Variants in RPTOR observed in about 807,000 individuals in gnomAD.
RPTOR encodes the protein regulatory-associated protein of mTOR.
In RPTOR, 21 loss-of-function variants were observed where a neutral mutation model predicts 169.9. The ratio of observed to expected loss-of-function variants is 0.12; its 90% CI spans 0.09 to 0.18. The LOEUF (loss-of-function observed/expected upper bound fraction) is 0.18. Ranked by LOEUF, RPTOR falls within the 10% of genes least tolerant of loss-of-function variation. The probability of loss-of-function intolerance (pLI) is 1.00; values close to 1 mark genes in which losing one functional copy is unlikely to be tolerated. For synonymous variants in RPTOR, 732 were observed against 753.2 expected (o/e 0.97, Z 0.46); for missense variants, 1,133 against 1,855.9 (o/e 0.61, Z 7.16).
At chr17:80,760,209 C>T (rs77323711) in intron 6 of RPTOR, among the ~76,000 whole-genome samples, 4,126 of 151,670 alleles carry the variant, frequency 0.027, 193 homozygotes, top group African/African-American at 0.095. Context: ...TCGGGCCACA[C>T]AGTCCCAAGT....
At chr17:80,632,092 A>T (rs1599618173) in intron 2 of RPTOR, among the ~76,000 whole-genome samples, 1 of 152,228 alleles carries the variant, frequency 6.6e-6, no homozygotes, top group East Asian at 1.9e-4. Flanking sequence ...CCCACACCCC[A>T]TGATGGAGCA....
At chr17:80,692,088 A>G (rs933798905) in intron 3 of RPTOR, among the ~76,000 whole-genome samples, 3 of 152,230 alleles carry the variant, frequency 2.0e-5, no homozygotes, top group Admixed American at 2.0e-4. Context: ...GGTTAGGCAC[A>G]GATGTCGAGT....
chr17:80,921,045 G>A (rs7503237), intron 21 of RPTOR, among the ~76,000 whole-genome samples: 87,723 of 152,136 alleles, frequency 0.58, 25,686 homozygotes, highest in African/African-American at 0.67. Context: ...TGCTATTTGC[G>A]TTTTGAAGGA....
chr17:80,853,672 T>A lies in RPTOR; in HGVS notation c.1315-1792T>A, dbSNP rs527927391. Among the ~76,000 whole-genome samples the A allele has an allele frequency of 3.9e-5, 6 of 152,186 alleles. No homozygotes were observed. In the East Asian group the frequency reaches 7.7e-4, roughly 20 times the overall value. ...CCATTAAGGAAAAAATCAAAAGAAG[T>A]AATGCCATTAAAAGTGTAAAGCTTG... On this transcript the variant is annotated intron_variant, in intron 11 of 33. Coordinates refer to ENST00000306801, the MANE Select transcript of RPTOR (RefSeq NM_020761.3).
intron 1 of RPTOR, 36 bp downstream of exon 1, chr17:80,545,827 A>C (rs1257199496): frequency 6.6e-7 from 1 of 1,518,268 alleles, no homozygotes; most frequent in African/African-American, 1.4e-5. Flanking sequence ...TGAACTTGGT[A>C]GTTTCCCCAA....
chr17:80,566,181 G>A (rs531891593), intron 1 of RPTOR, among the ~76,000 whole-genome samples: 18 of 152,282 alleles, frequency 1.2e-4, no homozygotes, highest in African/African-American at 3.1e-4. Flanking sequence ...CCTGCATAGC[G>A]CAGCTGTAGG....
intron 17 of RPTOR, among the ~76,000 whole-genome samples, chr17:80,890,276 A>AG (rs1207508985): frequency 1.3e-5 from 2 of 152,228 alleles, no homozygotes; most frequent in Admixed American, 1.3e-4. Context: ...TCAGAAGGAA[A>AG]GGGAAAAAAA....
At chr17:80,854,757 G>A (rs1373200347) in intron 11 of RPTOR, among the ~76,000 whole-genome samples, 1 of 152,206 alleles carries the variant, frequency 6.6e-6, no homozygotes, top group African/African-American at 2.4e-5. Flanking sequence ...AACCAGGCAT[G>A]GTGGTACATA....
intron 5 of RPTOR, among the ~76,000 whole-genome samples, chr17:80,743,793 A>G (rs2066515685): frequency 3.2e-5 from 4 of 123,804 alleles, no homozygotes; most frequent in Non-Finnish European, 5.4e-5. Flanking sequence ...AGCCCTGGCT[A>G]CTAGCACAGC....
intron 21 of RPTOR, among the ~76,000 whole-genome samples, chr17:80,911,485 C>G (rs2068612306): frequency 6.6e-6 from 1 of 152,076 alleles, no homozygotes; most frequent in Non-Finnish European, 1.5e-5. Flanking sequence ...AAGATAAATA[C>G]AAAAATAAAC....
At chr17:80,724,783 G>A (rs1476926432) in intron 4 of RPTOR, among the ~76,000 whole-genome samples, 5 of 152,220 alleles carry the variant, frequency 3.3e-5, no homozygotes, top group African/African-American at 9.7e-5. Flanking sequence ...GAGCTGCTGT[G>A]CCTGGATCTG....
chr17:80,839,700 A>G (rs1409781478), intron 10 of RPTOR, among the ~76,000 whole-genome samples: 1 of 152,212 alleles, frequency 6.6e-6, no homozygotes, highest in African/African-American at 2.4e-5. Flanking sequence ...GTTGCCGCAA[A>G]CAGATATTTG....
chr17:80,874,137 G>C lies in RPTOR; in HGVS notation c.1510-6278G>C, dbSNP rs570236567. Among the ~76,000 whole-genome samples, 301 of 152,228 alleles carry C rather than the reference G, an allele frequency of 2.0e-3. 1 individual carries two copies. The highest frequency in any genetic ancestry group is 3.6e-3 in the Non-Finnish European group (245 of 68,010). ...GAAAGCATGCCAGTGATTTTGCTAT[G>C]GACATCAGATGCAGCATTCAGGGCC... On this transcript the variant is annotated intron_variant, in intron 13 of 33. Coordinates refer to ENST00000306801, the MANE Select transcript of RPTOR (RefSeq NM_020761.3).
At chr17:80,847,806 T>C (rs2067749258) in intron 11 of RPTOR, among the ~76,000 whole-genome samples, 1 of 152,202 alleles carries the variant, frequency 6.6e-6, no homozygotes, top group African/African-American at 2.4e-5. Context: ...CCAGAGCTCG[T>C]GCTTTCTGGT....
chr17:80,574,354 G>C (rs2064940269), intron 1 of RPTOR, among the ~76,000 whole-genome samples: 1 of 150,808 alleles, frequency 6.6e-6, no homozygotes, highest in South Asian at 2.1e-4. Context: ...TTTTAGTAGA[G>C]ACGGGGTTTC....
At chr17:80,811,719 A>G (rs80138518) in intron 7 of RPTOR, among the ~76,000 whole-genome samples, 11 of 88,446 alleles carry the variant, frequency 1.2e-4, no homozygotes, top group Non-Finnish European at 2.5e-4. Flanking sequence ...ACTCTACCCA[A>G]GGGACACCGC....
At position 80,930,536 on chromosome 17, in the gene RPTOR, C is replaced by T. The variant is rs2068885045; in HGVS notation, c.2919+5056C>T. Among the ~76,000 whole-genome samples the T allele has an allele frequency of 1.4e-4, 4 of 28,248 alleles. No homozygotes were observed. In the Admixed American group the frequency reaches 1.8e-3, roughly 13 times the overall value. 18.5% of individuals were successfully genotyped at this position (28,248 alleles called of 152,430 possible). Reference sequence around the variant, plus strand: ...TCTTCAGCTTATCCACTTCAGTCTGCTGTGGGCTTCACCCGCCTCAGGAGG... The same window carrying T: ...TCTTCAGCTTATCCACTTCAGTCTGTTGTGGGCTTCACCCGCCTCAGGAGG... On this transcript the variant is annotated intron_variant, in intron 24 of 33. Coordinates refer to ENST00000306801, the MANE Select transcript of RPTOR (RefSeq NM_020761.3).
intron 24 of RPTOR, among the ~76,000 whole-genome samples, chr17:80,932,765 A>G (rs892654917): frequency 6.6e-6 from 1 of 152,202 alleles, no homozygotes; most frequent in Admixed American, 6.5e-5. Context: ...ACATCTAACC[A>G]CAGATCCAGC....
Position 80,826,295 on chromosome 17 carries a change from G to A in RPTOR, c.1136+3072G>A, listed in dbSNP as rs575698724. On this transcript the variant is annotated intron_variant, in intron 9 of 33. Transcript: ENST00000306801. ...TGGGGCCCTTGGGAGCGGAGGAAGC[G>A]CAGTGCAGAGGAGCTCTTCCACAAG... Among the ~76,000 whole-genome samples the A allele has an allele frequency of 4.6e-5, 7 of 152,326 alleles. No individual in the cohort carries two copies. The East Asian group carries it at 5.8e-4, about 13-fold the overall frequency.
Sources: gnomAD v4.1 joint callset for allele counts (sites outside exome capture counted in the v4.1 genomes callset) on GRCh38, gnomAD v4.1.1 for gene constraint, MANE v1.5 for transcripts, NCBI Gene and HGNC (gene_info 2026-07-23, HGNC 2026-07-21) for gene names.